FAM186A: variants seen among roughly 807,000 people sequenced by gnomAD.
The protein encoded by FAM186A is family with sequence similarity 186 member A.
In FAM186A, 163 loss-of-function variants were observed where a neutral mutation model predicts 216.8. The observed-to-expected ratio is 0.75, with a 90% CI of 0.66 to 0.86. The LOEUF (loss-of-function observed/expected upper bound fraction) is 0.86, where lower values mean the gene tolerates loss of function less well. Among genes scored for constraint, FAM186A ranks in the 40% least tolerant of loss-of-function variants. The probability of loss-of-function intolerance (pLI) is 0.00; values close to 1 mark genes in which losing one functional copy is unlikely to be tolerated. For missense variants in FAM186A, 2,184 were observed against 2,746.2 expected (o/e 0.80, Z 4.58); for synonymous variants, 805 against 1,025.3 (o/e 0.79, Z 4.10).
At chr12:50,340,854 T>C (rs1205165118) in intron 4 of FAM186A, among the ~76,000 whole-genome samples, 3 of 151,110 alleles carry the variant, frequency 2.0e-5, no homozygotes, top group African/African-American at 7.3e-5. Context: ...TGGAGTGCAA[T>C]GGTGTGATCT....
chr12:50,353,769 C>A lies in FAM186A; in HGVS notation c.3063G>T (p.Gln1021His). 6.4e-7 allele frequency: 1 copy of A among 1,551,566 alleles called. No individual in the cohort carries two copies. Among genetic ancestry groups the A allele is most frequent in the Non-Finnish European group, 8.7e-7 (1 of 1,146,920 alleles). ...GAAACTCTTTTCCTTCATATGACCG[C>A]TGTACATCTTTCAATACACTCTTCC... ...PRWKSVLKDVQRSYEGKEFQR... is the reference protein window; with the variant it reads ...PRWKSVLKDVHRSYEGKEFQR... The change falls in exon 4 of 8, where the codon CAG (glutamine) becomes CAT (histidine). Residue 1021 changes from glutamine to histidine, a missense_variant. Physicochemically the swap from Gln to His is conservative, Grantham distance 24 (BLOSUM62 0). Transcript: ENST00000327337.
At chr12:50,366,561 G>A (rs1437340649) in intron 1 of FAM186A, among the ~76,000 whole-genome samples, 1 of 145,234 alleles carries the variant, frequency 6.9e-6, no homozygotes, top group Non-Finnish European at 1.5e-5. Flanking sequence ...ATTTATTTCT[G>A]GAATGCAAGG....
intron 4 of FAM186A, among the ~76,000 whole-genome samples, chr12:50,336,823 AT>A (rs565220649): frequency 8.0e-4 from 116 of 144,168 alleles, no homozygotes; most frequent in East Asian, 1.0e-3. Context: ...ATCTTCTCTT[AT>A]TTTTTTTTTT....
intron 1 of FAM186A, among the ~76,000 whole-genome samples, chr12:50,391,872 G>C (rs932651793): frequency 6.6e-6 from 1 of 152,138 alleles, no homozygotes; most frequent in Admixed American, 6.6e-5. Flanking sequence ...TCTGTATAAT[G>C]ACTGGTACAT....
Position 50,351,333 on chromosome 12 carries a change from A to C in FAM186A, c.5499T>G (p.Thr1833=), listed in dbSNP as rs1321359560. The change falls in exon 4 of 8, where the codon ACT becomes ACG. Residue 1833 remains threonine, a synonymous_variant. Coordinates refer to ENST00000327337, the MANE Select transcript of FAM186A (RefSeq NM_001145475.3). ...GQLPISRAPP[T]PGQPFIAGVP... ...CTCCAGCTATAAAGGGCTGCCCTGGAGTGGGAGGGGCCCGAGATATTGGGA... is the reference window on the plus strand; with the variant it reads ...CTCCAGCTATAAAGGGCTGCCCTGGCGTGGGAGGGGCCCGAGATATTGGGA... The C allele has an allele frequency of 3.3e-6, 5 of 1,501,250 alleles. No individual in the cohort carries two copies. The Middle Eastern group carries it at 5.3e-4, about 158-fold the overall frequency. The allele number at this position is 1,501,250 out of a possible 1,614,324, so 93.0% of individuals were successfully genotyped here.
At chr12:50,327,512 G>C in intron 7 of FAM186A, 108 bp from the exon 8 acceptor site, 9 of 630,080 alleles carry the variant, frequency 1.4e-5, no homozygotes, top group Non-Finnish European at 2.2e-5. Context: ...AACTCAAAAA[G>C]ATAAACTAGT....
At chr12:50,335,367 C>T (rs929471432) in intron 4 of FAM186A, among the ~76,000 whole-genome samples, 29 of 152,058 alleles carry the variant, frequency 1.9e-4, no homozygotes, top group African/African-American at 6.5e-4. Flanking sequence ...AAGGTAAGGC[C>T]GGGCACAGTG....
rs766244272 is a variant in FAM186A at position 50,356,132 on chromosome 12, C to T, written c.700G>A (p.Val234Ile). 2.8e-5 allele frequency: 44 copies of T among 1,551,378 alleles called. No individual in the cohort carries two copies. Among genetic ancestry groups the T allele is most frequent in the Non-Finnish European group, 3.7e-5 (43 of 1,146,968 alleles). Residue 234 changes from valine to isoleucine, a missense_variant, in exon 4 of 8, where the codon GTT (valine) becomes ATT (isoleucine). Physicochemically the swap from Val to Ile is conservative, Grantham distance 29 (BLOSUM62 3). This residue lies in a region of FAM186A where 1,132 missense variants were observed against 1,263.4 expected (regional missense o/e 0.90). Coordinates refer to ENST00000327337, the MANE Select transcript of FAM186A (RefSeq NM_001145475.3). Reference protein sequence around the residue: ...ISDQLATNTKVSEIQGMLQEL... With the variant: ...ISDQLATNTKISEIQGMLQEL... ...TGTAGCATACCTTGGATTTCTGAAACCTTTGTATTTGTTGCAAGTTGATCA... is the reference window on the plus strand; with the variant it reads ...TGTAGCATACCTTGGATTTCTGAAATCTTTGTATTTGTTGCAAGTTGATCA...
At position 50,354,075 on chromosome 12, in the gene FAM186A, C is replaced by A. The variant is rs150531128; in HGVS notation, c.2757G>T (p.Lys919Asn). 2.8e-5 allele frequency: 44 copies of A among 1,551,714 alleles called. No homozygotes were observed. The highest frequency in any genetic ancestry group is 3.3e-5 in the Non-Finnish European group (38 of 1,147,000). The change falls in exon 4 of 8, where the codon AAG (lysine) becomes AAT (asparagine). Residue 919 changes from lysine (K) to asparagine (N), a missense_variant. Physicochemically the swap from Lys to Asn is moderately conservative, Grantham distance 94. This residue lies in a region of FAM186A where 1,132 missense variants were observed against 1,263.4 expected (regional missense o/e 0.90). Coordinates refer to ENST00000327337, the MANE Select transcript of FAM186A (RefSeq NM_001145475.3). ...CTTCTTCCAGCCGCTGCAGGCTTGA[C>A]TTTGGAAGCTCTTCTTCCTCCTGTC... ...QRGQEEEELP[K>N]SSLQRLEEGT...
Position 50,327,481 on chromosome 12 carries a change from G to A in FAM186A, c.7035-77C>T, listed in dbSNP as rs537459282. ...TTGTGGGAATATAGGTGAGTCATAG[G>A]GAAAATAAAAGTGCCTCCAGAACTC... On this transcript the variant is annotated intron_variant, in intron 7 of 7. Transcript: ENST00000327337. The A allele has an allele frequency of 4.6e-5, 52 of 1,126,974 alleles. No homozygotes were observed. In the African/African-American group the frequency reaches 5.1e-4, roughly 11 times the overall value. The allele number at this position is 1,126,974 out of a possible 1,614,324, so 69.8% of individuals were successfully genotyped here.
At chr12:50,378,573 T>TATATATAC (rs1251811819) in intron 1 of FAM186A, among the ~76,000 whole-genome samples, 1 of 12,080 alleles carries the variant, frequency 8.3e-5, no homozygotes, top group African/African-American at 9.6e-5. Flanking sequence ...TATATATATA[T>TATATATAC]ACACATATGT....
chr12:50,352,669 G>T lies in FAM186A; in HGVS notation c.4163C>A (p.Thr1388Asn). 6.6e-7 allele frequency: 1 copy of T among 1,523,752 alleles called. No individual in the cohort carries two copies. The allele number at this position is 1,523,752 out of a possible 1,614,324, so 94.4% of individuals were successfully genotyped here. Residue 1388 changes from threonine (T) to asparagine (N), a missense_variant, in exon 4 of 8, where the codon ACC becomes AAC. By Grantham distance (65) the Thr-to-Asn change is moderately conservative. This residue lies in a region of FAM186A where 267 missense variants were observed against 446.2 expected (regional missense o/e 0.60). Coordinates refer to ENST00000327337, the MANE Select transcript of FAM186A (RefSeq NM_001145475.3). The part of the protein sequence containing the change: ...QQAQELGIPL[T>N]PQQAQALGMP... Reference sequence around the variant, plus strand: ...CCCCAAGGCCTGAGCCTGCTGAGGGGTGAGAGGGATCCCCAGTTCCTGAGC... The same window carrying T: ...CCCCAAGGCCTGAGCCTGCTGAGGGTTGAGAGGGATCCCCAGTTCCTGAGC...
At chr12:50,378,422 C>T (rs970454561) in intron 1 of FAM186A, among the ~76,000 whole-genome samples, 5 of 151,178 alleles carry the variant, frequency 3.3e-5, no homozygotes, top group South Asian at 2.1e-4. Context: ...CCCAGCTACT[C>T]GGGAGGCTGA....
intron 1 of FAM186A, among the ~76,000 whole-genome samples, chr12:50,377,820 G>GC (rs1943212439): frequency 8.6e-6 from 1 of 115,926 alleles, no homozygotes; most frequent in Non-Finnish European, 1.7e-5. Flanking sequence ...GGGCAAAAGA[G>GC]CAAAACTCCA....
chr12:50,337,350 A>G (rs1942719623), intron 4 of FAM186A, among the ~76,000 whole-genome samples: 1 of 132,654 alleles, frequency 7.5e-6, no homozygotes, highest in African/African-American at 2.9e-5. Context: ...GTTGGAGTGC[A>G]GTGGCGCGAT....
chr12:50,334,968 T>C (rs1294705449), intron 4 of FAM186A, among the ~76,000 whole-genome samples: 1 of 152,202 alleles, frequency 6.6e-6, no homozygotes, highest in Non-Finnish European at 1.5e-5. Context: ...TTTTAATATA[T>C]TTTAAAAATT....
intron 3 of FAM186A, among the ~76,000 whole-genome samples, chr12:50,357,975 CATAA>C (rs5798138): frequency 0.95 from 142,525 of 149,772 alleles, 68,201 homozygotes; most frequent in East Asian, 1. Flanking sequence ...GAGACTGTCT[CATAA>C]ATAAATAAAT....
intron 3 of FAM186A, among the ~76,000 whole-genome samples, chr12:50,358,531 T>C (rs1479067719): frequency 5.9e-5 from 9 of 152,076 alleles, no homozygotes; most frequent in African/African-American, 1.9e-4. Flanking sequence ...GGCAGTGTAC[T>C]ATTATTGTAC....
At position 50,356,013 on chromosome 12, in the gene FAM186A, A is replaced by G; in HGVS notation, c.819T>C (p.Ser273=). 2 of 1,551,598 alleles carry G rather than the reference A, an allele frequency of 1.3e-6. No homozygotes were observed. The highest frequency in any genetic ancestry group is 1.7e-6 in the Non-Finnish European group (2 of 1,146,970). The change falls in exon 4 of 8, where the codon AGT becomes AGC. Residue 273 remains serine, a synonymous_variant. Coordinates refer to ENST00000327337, the MANE Select transcript of FAM186A (RefSeq NM_001145475.3). ...STIVNLSTAL[S]MLNDELKCVN... The stretch of plus-strand genomic sequence containing the variant: ...CACATTTTAATTCATCATTTAGCAT[A>G]CTCAAAGCTGTAGAAAGGTTTACTA...
Sources: allele counts gnomAD v4.1 joint callset (sites outside exome capture counted in the v4.1 genomes callset), GRCh38; gene constraint gnomAD v4.1.1; regional missense constraint gnomAD v4.1.1; transcripts MANE v1.5; gene names NCBI Gene and HGNC (gene_info 2026-07-23, HGNC 2026-07-21).